Variants in LINGO1 observed in about 807,000 individuals in gnomAD.
LINGO1 encodes the protein leucine rich repeat and Ig domain containing 1, also known as leucine-rich repeat and immunoglobulin-like domain-containing nogo receptor-interacting protein 1.
LINGO1 carries 11 observed loss-of-function variants against 37.3 expected under a neutral mutation model. The ratio of observed to expected loss-of-function variants is 0.29; its 90% CI spans 0.19 to 0.49. LINGO1 has a LOEUF of 0.49. Among genes scored for constraint, LINGO1 ranks in the 20% least tolerant of loss-of-function variants. The probability of loss-of-function intolerance (pLI) is 0.99; values close to 1 mark genes in which losing one functional copy is unlikely to be tolerated. For synonymous variants in LINGO1, 387 were observed against 403.0 expected, an observed-to-expected ratio of 0.96 and a Z score of 0.48; for missense variants, 585 against 878.2, an observed-to-expected ratio of 0.67 and a Z score of 4.22.
intron 3 of LINGO1, among the ~76,000 whole-genome samples, chr15:77,663,643 C>T (rs2075047093): frequency 6.6e-6 from 1 of 152,236 alleles, no homozygotes; most frequent in African/African-American, 2.4e-5. Context: ...TGCCTGAAAT[C>T]CCACCAGTAG....
intron 1 of LINGO1, among the ~76,000 whole-genome samples, chr15:77,781,267 T>A (rs543803830): frequency 2.7e-4 from 41 of 152,232 alleles, no homozygotes; most frequent in African/African-American, 9.6e-4. Context: ...CTCTTCTGCC[T>A]CCAGCAAAGG....
chr15:77,810,572 G>T (rs188019285), intron 1 of LINGO1, among the ~76,000 whole-genome samples: 367 of 152,300 alleles, frequency 2.4e-3, no homozygotes, highest in Non-Finnish European at 4.5e-3. Flanking sequence ...CCAGATGCCT[G>T]ACTTATTGCC....
intron 1 of LINGO1, among the ~76,000 whole-genome samples, chr15:77,738,481 C>T (rs969675866): frequency 1.3e-5 from 2 of 152,216 alleles, no homozygotes; most frequent in Non-Finnish European, 1.5e-5. Flanking sequence ...TTCTTACCAT[C>T]CCATTCAAAT....
intron 2 of LINGO1, among the ~76,000 whole-genome samples, chr15:77,715,294 T>TG (rs1234690125): frequency 6.6e-6 from 1 of 152,172 alleles, no homozygotes; most frequent in Non-Finnish European, 1.5e-5. Flanking sequence ...GGGCGTGGCT[T>TG]GGGGGCCTAG....
intron 1 of LINGO1, among the ~76,000 whole-genome samples, chr15:77,617,363 C>T (rs1344601258): frequency 1.3e-5 from 2 of 150,250 alleles, no homozygotes; most frequent in South Asian, 2.1e-4. Context: ...ACCCTAGGAG[C>T]TGCTCCAGGG....
At position 77,615,537 on chromosome 15, in the gene LINGO1, G is replaced by A; in HGVS notation, c.370C>T (p.Leu124=). 6.2e-7 allele frequency: 1 copy of A among 1,613,600 alleles called. No individual in the cohort carries two copies. Among genetic ancestry groups the A allele is most frequent in the Non-Finnish European group, 8.5e-7 (1 of 1,179,694 alleles). Residue 124 remains leucine (L), a synonymous_variant, in exon 2 of 2, where the codon CTG becomes TTG. Coordinates refer to ENST00000355300, the MANE Select transcript of LINGO1 (RefSeq NM_032808.7). ...TTCAGGCGGTTGCTGCGGAGACCCA[G>A]CGTCCGGAGGTTGAAGAGGTTGTTG... is the stretch of plus-strand genomic sequence containing the variant. ...AFNNLFNLRT[L]GLRSNRLKLI...
intron 1 of LINGO1, among the ~76,000 whole-genome samples, chr15:77,804,220 A>T (rs1028631104): frequency 4.6e-5 from 7 of 152,304 alleles, no homozygotes; most frequent in African/African-American, 1.4e-4. Context: ...CTTTCATCAG[A>T]TTCCTCCAGG....
At chr15:77,775,670 C>CA (rs2076630014) in intron 1 of LINGO1, among the ~76,000 whole-genome samples, 1 of 152,192 alleles carries the variant, frequency 6.6e-6, no homozygotes, top group Non-Finnish European at 1.5e-5. Flanking sequence ...TGTCATACAG[C>CA]CTCCCATGCC....
chr15:77,617,554 CCCACCTCT>C (rs1319393046), intron 1 of LINGO1, among the ~76,000 whole-genome samples: 1 of 152,182 alleles, frequency 6.6e-6, no homozygotes, highest in Non-Finnish European at 1.5e-5. Flanking sequence ...GACCGGATGT[CCCACCTCT>C]CCACCCTAGC....
At position 77,615,199 on chromosome 15, in the gene LINGO1, C is replaced by T. The variant is rs1193459305; in HGVS notation, c.708G>A (p.Lys236=). ...NINAIRDYSF[K]RLYRLKVLEI... is the part of the protein sequence containing the mutation. ...CCAAGACCTTGAGTCGGTACAGCCT[C>T]TTGAAGGAGTAGTCCCGGATGGCAT... The change falls in exon 2 of 2, where the codon AAG becomes AAA. Residue 236 remains lysine, a synonymous_variant. Transcript: ENST00000355300. The T allele has an allele frequency of 2.5e-6, 4 of 1,613,760 alleles. No homozygotes were observed. The highest frequency in any genetic ancestry group is 3.4e-6 in the Non-Finnish European group (4 of 1,179,834).
At position 77,667,786 on chromosome 15, in the gene LINGO1, C is replaced by CT. The variant is rs1260029527; in HGVS notation, c.-13+9302_-13+9303insA. ...TGCCTGTTTATTTGGAGATGAAAAG[C>CT]GCCCTAGGGTCATCTCTCCAGGACG... On this transcript the variant is annotated intron_variant, in intron 3 of 3. Coordinates refer to the LINGO1 transcript ENST00000559893. The CT allele has an allele frequency of 9.2e-5, 14 of 152,264 alleles. No individual in the cohort carries two copies. In the East Asian group the frequency reaches 2.7e-3, roughly 29 times the overall value. 9.4% of individuals were successfully genotyped at this position (152,264 alleles called of 1,614,324 possible). A position where few individuals can be genotyped will look rare whatever the true frequency, so the allele number is the denominator to read the frequency against.
chr15:77,816,766 G>C (rs1239735121), intron 1 of LINGO1, among the ~76,000 whole-genome samples: 4 of 152,140 alleles, frequency 2.6e-5, no homozygotes, highest in Admixed American at 2.6e-4. Flanking sequence ...CCCAAATGAA[G>C]GGTTCATTTT....
intron 3 of LINGO1, among the ~76,000 whole-genome samples, chr15:77,663,595 C>G (rs2075046345): frequency 6.6e-6 from 1 of 152,228 alleles, no homozygotes; most frequent in African/African-American, 2.4e-5. Context: ...CTTCCCACCT[C>G]TGAGGCATCC....
Position 77,614,472 on chromosome 15 carries a change from C to T in LINGO1, c.1435G>A (p.Asp479Asn). Reference protein sequence around the residue: ...KSNGRLTVFPDGTLEVRYAQV... With the variant: ...KSNGRLTVFPNGTLEVRYAQV... Reference sequence around the variant, plus strand: ...GCGTAGCGCACCTCCAGCGTGCCATCAGGGAAGACTGTGAGCCGCCCATTG... The same window carrying T: ...GCGTAGCGCACCTCCAGCGTGCCATTAGGGAAGACTGTGAGCCGCCCATTG... Residue 479 changes from aspartate (D) to asparagine (N), a missense_variant, in exon 2 of 2, where the codon GAT (aspartate) becomes AAT (asparagine). Asp to Asn is a conservative substitution (Grantham distance 23). Coordinates refer to ENST00000355300, the MANE Select transcript of LINGO1 (RefSeq NM_032808.7). 1.2e-6 allele frequency: 2 copies of T among 1,610,760 alleles called. No homozygotes were observed. The highest frequency in any genetic ancestry group is 1.7e-6 in the Non-Finnish European group (2 of 1,179,774).
intron 3 of LINGO1, among the ~76,000 whole-genome samples, chr15:77,662,375 C>G (rs2075013218): frequency 6.6e-6 from 1 of 152,174 alleles, no homozygotes; most frequent in South Asian, 2.1e-4. Flanking sequence ...ATGGGGTTGG[C>G]TGGAGCCCTT....
rs150661018 is a variant in LINGO1 at position 77,724,178 on chromosome 15, C to T, written c.-195+10814G>A. On this transcript the variant is annotated intron_variant, in intron 2 of 3. Coordinates refer to the LINGO1 transcript ENST00000561686. ...GCCCCAGGGTCTGCTCAGCTCTGCC[C>T]GCTTCCTCCAGGTACCCCCATCCCA... Among the ~76,000 whole-genome samples the T allele has an allele frequency of 3.9e-3, 598 of 152,272 alleles. 5 individuals are homozygous for T. Among genetic ancestry groups the T allele is most frequent in the African/African-American group, 0.012 (516 of 41,552 alleles).
chr15:77,707,296 G>A (rs771942893), intron 2 of LINGO1: 1 of 152,246 alleles, frequency 6.6e-6, no homozygotes, highest in Non-Finnish European at 1.5e-5. Context: ...GGGTCTCCAC[G>A]GTCAAGCTCC....
At chr15:77,623,582 A>G (rs2073989225) in intron 1 of LINGO1, among the ~76,000 whole-genome samples, 1 of 152,134 alleles carries the variant, frequency 6.6e-6, no homozygotes, top group Non-Finnish European at 1.5e-5. Context: ...GCCCAGGCTG[A>G]GCTCCTGCAG....
intron 3 of LINGO1, among the ~76,000 whole-genome samples, chr15:77,647,230 T>G (rs1596043063): frequency 6.6e-6 from 1 of 152,014 alleles, no homozygotes; most frequent in South Asian, 2.1e-4. Context: ...TCGGATCAGG[T>G]CCTGGTTATG....
Sources: allele counts gnomAD v4.1 joint callset (sites outside exome capture counted in the v4.1 genomes callset), GRCh38; gene constraint gnomAD v4.1.1; transcripts MANE v1.5; gene names NCBI Gene and HGNC (gene_info 2026-07-23, HGNC 2026-07-21).